The following HES7 variants were observed in gnomAD, a reference collection of about 807,000 sequenced individuals.
The protein encoded by HES7 is hes family bHLH transcription factor 7.
HES7 carries 8 observed loss-of-function variants against 18.0 expected under a neutral mutation model. The ratio of observed to expected loss-of-function variants is 0.45; its 90% confidence interval spans 0.26 to 0.80. HES7 has a LOEUF of 0.80. HES7 is among the 30% of genes least tolerant of loss of function. The pLI, the probability that HES7 is intolerant of heterozygous loss-of-function variation, is 0.18. For synonymous variants in HES7, 170 were observed against 158.6 expected (o/e 1.07, Z -0.54); for missense variants, 356 against 340.9 (o/e 1.04, Z -0.35).
At position 8,123,183 on chromosome 17, in the gene HES7, CCCCGGCG is replaced by C; in HGVS notation, c.43-64_43-58del. The C allele has an allele frequency of 7.1e-7, 1 of 1,408,750 alleles. No individual in the cohort carries two copies. Among genetic ancestry groups the C allele is most frequent in the Non-Finnish European group, 9.8e-7 (1 of 1,022,390 alleles). The allele number at this position is 1,408,750 out of a possible 1,614,324, so 87.3% of individuals were successfully genotyped here. A position where few individuals can be genotyped will look rare whatever the true frequency, so the allele number is the denominator to read the frequency against. On this transcript the variant is annotated intron_variant, in intron 1 of 3. Coordinates refer to ENST00000541682, the MANE Select transcript of HES7 (RefSeq NM_001165967.2). The surrounding 1 kb of genome is among the most constrained non-coding windows in gnomAD (Gnocchi z 5.9). ...ACCAGACCGAGACTCAGTGCGGCCG[CCCCGGCG>C]TCGGATCCCGCCGCTGGGAGAGCCC... is the stretch of plus-strand genomic sequence containing the variant.
Position 8,121,632 on chromosome 17 carries a change from TGTC to T in HES7, c.629_631del (p.Arg210_Gln211delinsLys). ...CAGCGGGGCCTTGGGCGCCCCGTCT[TGTC>T]TGTGAGGCGGCGGTGGCGGCGGCAG... On this transcript the variant is annotated inframe_deletion, in exon 4 of 4. Transcript: ENST00000541682. The T allele has an allele frequency of 2.3e-6, 3 of 1,312,598 alleles. No homozygotes were observed. Among genetic ancestry groups the T allele is most frequent in the Non-Finnish European group, 2.9e-6 (3 of 1,038,436 alleles). The allele number at this position is 1,312,598 out of a possible 1,614,324, so 81.3% of individuals were successfully genotyped here.
At position 8,124,027 on chromosome 17, in the gene HES7, C is replaced by T. The variant is rs776060105; in HGVS notation, c.42+16G>A. The T allele has an allele frequency of 1.2e-6, 2 of 1,613,900 alleles. No individual in the cohort carries two copies. The highest frequency in any genetic ancestry group is 1.7e-5 in the Admixed American group (1 of 60,024). ...CCAAACCAGGGACCTCTGCTCCCTC[C>T]CCTCCCGCCTCTCACCTTGGGGCCG... On this transcript the variant is annotated intron_variant, in intron 1 of 3. Transcript: ENST00000541682.
At chr17:8,125,861 T>G (rs926382748), upstream of HES7, among the ~76,000 whole-genome samples, 5 of 152,250 alleles carry the variant, frequency 3.3e-5, no homozygotes, top group African/African-American at 4.8e-5. Context: ...GGATAATATA[T>G]TTGGTAGCAT....
At chr17:8,124,671 A>T (rs539453867), upstream of HES7, among the ~76,000 whole-genome samples, 3 of 152,324 alleles carry the variant, frequency 2.0e-5, no homozygotes, top group East Asian at 5.8e-4. Flanking sequence ...CTCTGCGGAC[A>T]GGGCACTTGT....
chr17:8,122,568 C>A lies in HES7; in HGVS notation c.139-138G>T. The stretch of plus-strand genomic sequence containing the variant: ...ATTTGCGCACTGCCCACAGAACGCG[C>A]GACCAAATGCGGAGTGGAGATGACC... On this transcript the variant is annotated intron_variant, in intron 2 of 3. Transcript: ENST00000541682. This position sits in a 1 kb window ranked among gnomAD's most constrained non-coding sequence, Gnocchi z 6.9. The A allele has an allele frequency of 1.5e-6, 1 of 675,626 alleles. No homozygotes were observed. Among genetic ancestry groups the A allele is most frequent in the South Asian group, 1.7e-5 (1 of 57,218 alleles). 41.9% of individuals were successfully genotyped at this position (675,626 alleles called of 1,614,324 possible). A position where few individuals can be genotyped will look rare whatever the true frequency, so the allele number is the denominator to read the frequency against.
In HES7 at chr17:8,122,664, G is replaced by A. The variant is rs1981419543; in HGVS notation, c.139-234C>T. Among the ~76,000 whole-genome samples the A allele has an allele frequency of 6.6e-6, 1 of 152,130 alleles. No homozygotes were observed. Among genetic ancestry groups the A allele is most frequent in the Admixed American group, 6.6e-5 (1 of 15,266 alleles). On this transcript the variant is annotated intron_variant, in intron 2 of 3. Transcript: ENST00000541682. The surrounding 1 kb of genome is among the most constrained non-coding windows in gnomAD (Gnocchi z 6.9). ...GGGTTGGAACCAATGCCCAACGCGT[G>A]AGGAGGAGATTTGAAACCGCAACCC...
chr17:8,122,517 C>A lies in HES7; in HGVS notation c.139-87G>T. ...AGGGGGAAGAAGGGAGGGACGGATG[C>A]GGGAGCTGGTGGTGCCCCCGATCGC... On this transcript the variant is annotated intron_variant, in intron 2 of 3. Transcript: ENST00000541682. This position sits in a 1 kb window ranked among gnomAD's most constrained non-coding sequence, Gnocchi z 6.9. The A allele has an allele frequency of 1.1e-6, 1 of 948,928 alleles. No individual in the cohort carries two copies. The highest frequency in any genetic ancestry group is 1.5e-5 in the South Asian group (1 of 68,648). 58.8% of individuals were successfully genotyped at this position (948,928 alleles called of 1,614,324 possible). A position where few individuals can be genotyped will look rare whatever the true frequency, so the allele number is the denominator to read the frequency against.
rs774790059 is a variant in HES7 at position 8,123,068 on chromosome 17, T to C, written c.101A>G (p.Glu34Gly). The C allele has an allele frequency of 1.2e-6, 2 of 1,605,842 alleles. No individual in the cohort carries two copies. Among genetic ancestry groups the C allele is most frequent in the Non-Finnish European group, 1.7e-6 (2 of 1,176,584 alleles). Residue 34 changes from glutamate to glycine, a missense_variant, in exon 2 of 4, where the codon GAG (glutamate) becomes GGG (glycine). Coordinates refer to ENST00000541682, the MANE Select transcript of HES7 (RefSeq NM_001165967.2). The surrounding 1 kb of genome is among the most constrained non-coding windows in gnomAD (Gnocchi z 5.9). ...CCGCTCCAGCAGCAGCAGCCTCAGC[T>C]CTTCCAGGCTGCGGTTGATGCGGTC... is the stretch of plus-strand genomic sequence containing the variant. ...RRDRINRSLE[E>G]LRLLLLERTR... is the part of the protein sequence containing the mutation.
Position 8,121,882 on chromosome 17 carries a change from G to T in HES7, c.382C>A (p.His128Asn). The T allele has an allele frequency of 6.4e-7, 1 of 1,572,902 alleles. No individual in the cohort carries two copies. The highest frequency in any genetic ancestry group is 1.1e-5 in the South Asian group (1 of 88,734). The change falls in exon 4 of 4, where the codon CAC becomes AAC. Residue 128 changes from histidine (H) to asparagine (N), a missense_variant. Transcript: ENST00000541682. ...AARAQLFSALHGYLRPKPPRP... is the reference protein window; with the variant it reads ...AARAQLFSALNGYLRPKPPRP... ...GGCGGTTTGGGGCGCAGATAGCCGT[G>T]CAGCGCGGAGAAGAGCTGGGCGCGG...
At position 8,123,790 on chromosome 17, in the gene HES7, A is replaced by C. The variant is rs1038922152; in HGVS notation, c.42+253T>G. On this transcript the variant is annotated intron_variant, in intron 1 of 3. Transcript: ENST00000541682. The surrounding 1 kb of genome is among the most constrained non-coding windows in gnomAD (Gnocchi z 5.9). ...TTACTCCAACACCGGCCCCCTCCCC[A>C]GGCCACAAGGTGCCGACACCCATTA... 6.6e-6 allele frequency among the ~76,000 whole-genome samples: 1 copy of C among 151,978 alleles called. No individual in the cohort carries two copies. Among genetic ancestry groups the C allele is most frequent in the African/African-American group, 2.4e-5 (1 of 41,360 alleles).
At position 8,122,186 on chromosome 17, in the gene HES7, A is replaced by T; in HGVS notation, c.227-149T>A. 1 of 945,656 alleles carries T rather than the reference A, an allele frequency of 1.1e-6. No individual in the cohort carries two copies. The highest frequency in any genetic ancestry group is 1.6e-6 in the Non-Finnish European group (1 of 634,344). The allele number at this position is 945,656 out of a possible 1,614,324, so 58.6% of individuals were successfully genotyped here. A position where few individuals can be genotyped will look rare whatever the true frequency, so the allele number is the denominator to read the frequency against. ...AAGAGGGAGAAAATGAGGGAGACAC[A>T]GAGACAGACACGCGCGGGTGTTATT... is the stretch of plus-strand genomic sequence containing the variant. On this transcript the variant is annotated intron_variant, in intron 3 of 3. Coordinates refer to ENST00000541682, the MANE Select transcript of HES7 (RefSeq NM_001165967.2). The surrounding 1 kb of genome is among the most constrained non-coding windows in gnomAD (Gnocchi z 6.9).
rs929981617 is a variant in HES7, at chr17:8,121,697, G to A, written c.567C>T (p.Ala189=). 7.5e-7 allele frequency: 1 copy of A among 1,329,344 alleles called. No individual in the cohort carries two copies. Among genetic ancestry groups the A allele is most frequent in the Non-Finnish European group, 9.6e-7 (1 of 1,046,230 alleles). The allele number at this position is 1,329,344 out of a possible 1,614,324, so 82.3% of individuals were successfully genotyped here. A position where few individuals can be genotyped will look rare whatever the true frequency, so the allele number is the denominator to read the frequency against. ...GGGGCGCCGGCGCGCCAGAATCCCC[G>A]GCGCGCGGGGAGCAGAGGGATGGGG... is the stretch of plus-strand genomic sequence containing the variant. ...AWSPSLCSPR[A]GDSGAPAPLT... The change falls in exon 4 of 4, where the codon GCC becomes GCT. Residue 189 remains alanine (A), a synonymous_variant. Transcript: ENST00000541682.
In HES7 at chr17:8,122,099, G is replaced by C. The variant is rs937475178; in HGVS notation, c.227-62C>G. On this transcript the variant is annotated intron_variant, in intron 3 of 3. Transcript: ENST00000541682. This position sits in a 1 kb window ranked among gnomAD's most constrained non-coding sequence, Gnocchi z 6.9. ...GGGGCCCGGCAGGGGTGAGGGAAGG[G>C]GCGGGGCGCAGAGATACCAAGGCCG... is the stretch of plus-strand genomic sequence containing the variant. The C allele has an allele frequency of 8.7e-5, 121 of 1,393,606 alleles. No individual in the cohort carries two copies. In the East Asian group the frequency reaches 9.3e-4, roughly 11 times the overall value. The allele number at this position is 1,393,606 out of a possible 1,614,324, so 86.3% of individuals were successfully genotyped here.
chr17:8,123,798 AG>A lies in HES7; in HGVS notation c.42+244del, dbSNP rs1225950414. Among the ~76,000 whole-genome samples the A allele has an allele frequency of 6.6e-6, 1 of 152,174 alleles. No homozygotes were observed. The highest frequency in any genetic ancestry group is 1.5e-5 in the Non-Finnish European group (1 of 68,032). On this transcript the variant is annotated intron_variant, in intron 1 of 3. Coordinates refer to ENST00000541682, the MANE Select transcript of HES7 (RefSeq NM_001165967.2). This position sits in a 1 kb window ranked among gnomAD's most constrained non-coding sequence, Gnocchi z 5.9. ...ACACCGGCCCCCTCCCCAGGCCACA[AG>A]GTGCCGACACCCATTACCGAGGCCC...
In HES7 at chr17:8,122,635, C is replaced by T. The variant is rs1426619990; in HGVS notation, c.139-205G>A. ...CACCCTGAGACGAAACTGTCCAATC[C>T]TAGGGGTTGGAACCAATGCCCAACG... is the stretch of plus-strand genomic sequence containing the variant. On this transcript the variant is annotated intron_variant, in intron 2 of 3. Coordinates refer to ENST00000541682, the MANE Select transcript of HES7 (RefSeq NM_001165967.2). The surrounding 1 kb of genome is among the most constrained non-coding windows in gnomAD (Gnocchi z 6.9). Among the ~76,000 whole-genome samples, 2 of 152,138 alleles carry T rather than the reference C, an allele frequency of 1.3e-5. No homozygotes were observed. Among genetic ancestry groups the T allele is most frequent in the Non-Finnish European group, 2.9e-5 (2 of 68,016 alleles).
chr17:8,124,126 G>A, upstream of HES7: 1 of 1,613,382 alleles, frequency 6.2e-7, no homozygotes, highest in Non-Finnish European at 8.5e-7. Flanking sequence ...CTGCTCGCCT[G>A]GAGCCTTATA....
At chr17:8,125,735 C>T (rs191299746), upstream of HES7, among the ~76,000 whole-genome samples, 52 of 152,336 alleles carry the variant, frequency 3.4e-4, no homozygotes, top group Admixed American at 5.9e-4. Context: ...CCCGCAGAAT[C>T]TTTAAGCCGC....
At position 8,122,856 on chromosome 17, in the gene HES7, G is replaced by A. The variant is rs995285494; in HGVS notation, c.138+175C>T. 7.2e-5 allele frequency among the ~76,000 whole-genome samples: 11 copies of A among 152,156 alleles called. No individual in the cohort carries two copies. The highest frequency in any genetic ancestry group is 2.4e-4 in the African/African-American group (10 of 41,422). Reference sequence around the variant, plus strand: ...ACTTACAGACCCGAGGGGTGGCGAAGAAGATCGCGTTCTGAGAGCGAGTGG... The same window carrying A: ...ACTTACAGACCCGAGGGGTGGCGAAAAAGATCGCGTTCTGAGAGCGAGTGG... On this transcript the variant is annotated intron_variant, in intron 2 of 3. Transcript: ENST00000541682. This position sits in a 1 kb window ranked among gnomAD's most constrained non-coding sequence, Gnocchi z 6.9.
chr17:8,123,955 C>T lies in HES7; in HGVS notation c.42+88G>A. 2 of 1,462,420 alleles carry T rather than the reference C, an allele frequency of 1.4e-6. No homozygotes were observed. The highest frequency in any genetic ancestry group is 1.9e-6 in the Non-Finnish European group (2 of 1,051,288). 90.6% of individuals were successfully genotyped at this position (1,462,420 alleles called of 1,614,324 possible). On this transcript the variant is annotated intron_variant, in intron 1 of 3. Coordinates refer to ENST00000541682, the MANE Select transcript of HES7 (RefSeq NM_001165967.2). The surrounding 1 kb of genome is among the most constrained non-coding windows in gnomAD (Gnocchi z 5.9). ...CACCGCTCCCCTTCCACCCCTGCGT[C>T]CCCAGCCTCTCTCCAGACCGACGGC...
Sources: gnomAD v4.1 joint callset for allele counts (sites outside exome capture counted in the v4.1 genomes callset) on GRCh38, gnomAD v4.1.1 for gene constraint, Gnocchi (gnomAD v3.1) non-coding constraint, MANE v1.5 for transcripts, NCBI Gene and HGNC (gene_info 2026-07-23, HGNC 2026-07-21) for gene names.